The following RMDN1 variants were observed in gnomAD, a reference collection of about 807,000 sequenced individuals.
RMDN1 encodes the protein regulator of microtubule dynamics 1, also known as regulator of microtubule dynamics protein 1.
In RMDN1, 48 loss-of-function variants were observed where a neutral mutation model predicts 48.9. That is an observed-to-expected ratio of 0.98 (90% confidence interval 0.78 to 1.25). The LOEUF is 1.25. RMDN1 is among the 50% of genes most tolerant of loss of function. The pLI, the probability that RMDN1 is intolerant of heterozygous loss-of-function variation, is 0.00. For synonymous variants in RMDN1, 148 were observed against 132.6 expected, an observed-to-expected ratio of 1.12 and a Z score of -0.80; for missense variants, 418 against 373.4, an observed-to-expected ratio of 1.12 and a Z score of -0.98.
chr8:86,474,556 A>G, intron 9 of RMDN1, 198 bp from the exon 10 acceptor site: 1 of 697,990 alleles, frequency 1.4e-6, no homozygotes, highest in Non-Finnish European at 2.5e-6. Flanking sequence ...TTTATGTTTT[A>G]GAAATGTTAA....
At chr8:86,470,235 T>G, downstream of RMDN1, 1 of 1,289,286 alleles carries the variant, frequency 7.8e-7, no homozygotes, top group Non-Finnish European at 1.0e-6. Context: ...TACATGTACG[T>G]GGGGAAATAA....
At chr8:86,480,700 A>G (rs779392374) in intron 5 of RMDN1, among the ~76,000 whole-genome samples, 1 of 152,104 alleles carries the variant, frequency 6.6e-6, no homozygotes, top group Non-Finnish European at 1.5e-5. Context: ...TTTCTTGGCA[A>G]ACTGTAGATG....
At chr8:86,508,105 A>T (rs911399154) in intron 1 of RMDN1, 2 of 185,472 alleles carry the variant, frequency 1.1e-5, no homozygotes, top group African/African-American at 4.7e-5. Context: ...AGAACTTTTT[A>T]AATCACACAC....
At chr8:86,500,220 T>C (rs1231442521) in intron 2 of RMDN1, among the ~76,000 whole-genome samples, 1 of 152,036 alleles carries the variant, frequency 6.6e-6, no homozygotes, top group Non-Finnish European at 1.5e-5. Context: ...CAAAAGAAAC[T>C]ATCGACAGGT....
intron 8 of RMDN1, 95 bp downstream of exon 8, chr8:86,477,197 CAG>C (rs1314071217): frequency 6.0e-6 from 5 of 826,972 alleles, no homozygotes; most frequent in East Asian, 6.0e-5. Flanking sequence ...ATAAGTATAA[CAG>C]AATAAACAAC....
chr8:86,497,003 A>T (rs569144586), intron 2 of RMDN1, among the ~76,000 whole-genome samples: 3 of 152,322 alleles, frequency 2.0e-5, no homozygotes, highest in Admixed American at 6.5e-5. Flanking sequence ...AAACCACACA[A>T]TTACATGGAA....
chr8:86,503,390 C>CAAAACAACACA (rs1491204153), intron 2 of RMDN1, among the ~76,000 whole-genome samples: 1 of 56,584 alleles, frequency 1.8e-5, no homozygotes, highest in Non-Finnish European at 3.5e-5. Context: ...AAAAAAAAAA[C>CAAAACAACACA]AAAAAAAAAT....
intron 1 of RMDN1, 43 bp downstream of exon 1, chr8:86,508,449 C>T (rs751301184): frequency 3.3e-6 from 5 of 1,523,570 alleles, no homozygotes; most frequent in African/African-American, 1.4e-5. Flanking sequence ...CCGGAACCCA[C>T]TGAGTAGGAA....
downstream of RMDN1, among the ~76,000 whole-genome samples, chr8:86,469,327 C>T (rs1812359511): frequency 1.3e-5 from 2 of 152,188 alleles, no homozygotes; most frequent in African/African-American, 4.8e-5. Flanking sequence ...TATTGCCATG[C>T]AGCTTTGCTT....
At chr8:86,503,080 GCGGTGGCTCACGCCTGT>G (rs1818550058) in intron 2 of RMDN1, among the ~76,000 whole-genome samples, 1 of 152,070 alleles carries the variant, frequency 6.6e-6, no homozygotes, top group African/African-American at 2.4e-5. Flanking sequence ...TAGGCCAGGT[GCGGTGGCTCACGCCTGT>G]AATCCCAGCA....
intron 3 of RMDN1, 125 bp downstream of exon 3, chr8:86,488,427 A>T (rs1368253804): frequency 2.1e-6 from 1 of 473,054 alleles, no homozygotes; most frequent in East Asian, 3.3e-5. Context: ...AACTCTAAGA[A>T]ATATTTTGAA....
intron 4 of RMDN1, among the ~76,000 whole-genome samples, chr8:86,485,410 A>G (rs562342028): frequency 1.3e-5 from 2 of 152,272 alleles, no homozygotes; most frequent in South Asian, 4.2e-4. Flanking sequence ...GGACAACAGA[A>G]TGAGACTATG....
chr8:86,499,586 T>C (rs1418374265), intron 2 of RMDN1, among the ~76,000 whole-genome samples: 1 of 152,032 alleles, frequency 6.6e-6, no homozygotes, highest in Non-Finnish European at 1.5e-5. Context: ...ACAGGAAGAA[T>C]CAATATTGAT....
downstream of RMDN1, chr8:86,468,437 A>C (rs1812286144): frequency 4.6e-6 from 2 of 438,826 alleles, no homozygotes; most frequent in Non-Finnish European, 9.0e-6. Context: ...AAGAATTAAA[A>C]AAAAAATTCT....
intron 2 of RMDN1, among the ~76,000 whole-genome samples, chr8:86,503,385 A>AAAAAAAAAAAAACAAAAC (rs1554594088): frequency 5.7e-4 from 46 of 81,006 alleles, no homozygotes; most frequent in South Asian, 2.2e-3. Context: ...AAAAAAAAAA[A>AAAAAAAAAAAAACAAAAC]AAAACAAAAA....
rs1355997215 is a variant in RMDN1 at position 86,472,758 on chromosome 8, T to C, written c.*1550A>G. On this transcript the variant is annotated 3_prime_UTR_variant, in exon 10 of 10. Transcript: ENST00000406452. ...GTATAAGAAAATAACTGCTTATTGG[T>C]AGCATATACATTCAGTCAGGAATGA... 2.8e-6 allele frequency: 1 copy of C among 352,610 alleles called. No individual in the cohort carries two copies. Among genetic ancestry groups the C allele is most frequent in the East Asian group, 4.9e-5 (1 of 20,398 alleles). 21.8% of individuals were successfully genotyped at this position (352,610 alleles called of 1,614,324 possible). A position where few individuals can be genotyped will look rare whatever the true frequency, so the allele number is the denominator to read the frequency against.
chr8:86,502,559 C>T (rs982217280), intron 2 of RMDN1, among the ~76,000 whole-genome samples: 4 of 152,116 alleles, frequency 2.6e-5, no homozygotes, highest in African/African-American at 7.2e-5. Context: ...TTTTAATATA[C>T]GTTTACTTAT....
intron 2 of RMDN1, chr8:86,504,016 G>C (rs139402843): frequency 3.8e-6 from 3 of 784,220 alleles, no homozygotes; most frequent in East Asian, 4.9e-5. Flanking sequence ...AGAGATCTCA[G>C]CTACTGCCCT....
At chr8:86,472,065 T>C (rs1563570118), downstream of RMDN1, among the ~76,000 whole-genome samples, 1 of 152,242 alleles carries the variant, frequency 6.6e-6, no homozygotes, top group South Asian at 2.1e-4. Context: ...GTTGTGATAA[T>C]GGTTTTGTGT....
Sources: allele counts gnomAD v4.1 joint callset (sites outside exome capture counted in the v4.1 genomes callset), GRCh38; gene constraint gnomAD v4.1.1; transcripts MANE v1.5; gene names NCBI Gene and HGNC (gene_info 2026-07-23, HGNC 2026-07-21).